The following SCUBE1 variants were observed in gnomAD, a reference collection of about 807,000 sequenced individuals.
SCUBE1 encodes signal peptide, CUB and EGF-like domain-containing protein 1.
A neutral mutation model predicts 124.4 loss-of-function variants in SCUBE1; 59 were observed. The observed-to-expected ratio is 0.47, with a 90% CI of 0.38 to 0.59. SCUBE1 has a LOEUF of 0.59. SCUBE1 is among the 20% of genes least tolerant of loss of function. The probability of loss-of-function intolerance (pLI) is 0.00; values close to 1 mark genes in which losing one functional copy is unlikely to be tolerated. For synonymous variants in SCUBE1, 545 were observed against 550.9 expected (o/e 0.99, Z 0.15); for missense variants, 1,150 against 1,371.2 (o/e 0.84, Z 2.55).
chr22:43,222,546 C>G (rs1230203389), intron 12 of SCUBE1, 92 bp downstream of exon 12: 1 of 1,002,946 alleles, frequency 1.0e-6, no homozygotes, highest in African/African-American at 1.6e-5. Flanking sequence ...AAGGTCTTCC[C>G]TGGGCGGTGC....
At chr22:43,286,173 T>C (rs966535694) in intron 4 of SCUBE1, among the ~76,000 whole-genome samples, 1 of 152,272 alleles carries the variant, frequency 6.6e-6, no homozygotes, top group Non-Finnish European at 1.5e-5. Flanking sequence ...TTATTGAAAC[T>C]GTCTTTTCAA....
chr22:43,207,742 C>T (rs1027608586), intron 20 of SCUBE1, 129 bp from the exon 21 acceptor site: 3 of 756,902 alleles, frequency 4.0e-6, no homozygotes, highest in Non-Finnish European at 6.9e-6. Context: ...CTGGCCGCAG[C>T]TCTGCCTCTG....
chr22:43,317,900 T>G (rs994145932), intron 3 of SCUBE1, among the ~76,000 whole-genome samples: 2 of 151,798 alleles, frequency 1.3e-5, no homozygotes, highest in Admixed American at 1.3e-4. Flanking sequence ...AAAAGGAAAA[T>G]TTGGACACAG....
intron 3 of SCUBE1, among the ~76,000 whole-genome samples, chr22:43,292,920 A>G (rs1925420312): frequency 6.6e-6 from 1 of 152,254 alleles, no homozygotes; most frequent in African/African-American, 2.4e-5. Context: ...CTAAAATGGT[A>G]GAAGTGGCCC....
At chr22:43,298,145 T>C (rs1174387158) in intron 3 of SCUBE1, among the ~76,000 whole-genome samples, 1 of 152,240 alleles carries the variant, frequency 6.6e-6, no homozygotes, top group Non-Finnish European at 1.5e-5. Context: ...TAAGTGTAAA[T>C]AAATGAGAAC....
intron 12 of SCUBE1, 148 bp downstream of exon 12, chr22:43,222,490 C>T: frequency 1.6e-6 from 1 of 633,560 alleles, no homozygotes; most frequent in African/African-American, 1.8e-5. Flanking sequence ...CTGGGCCTGG[C>T]TCATCGCCAG....
intron 2 of SCUBE1, among the ~76,000 whole-genome samples, chr22:43,329,015 C>A (rs1439927108): frequency 6.7e-6 from 1 of 149,764 alleles, no homozygotes; most frequent in Non-Finnish European, 1.5e-5. Context: ...ACACAATTGT[C>A]TAGAGAAGAC....
At chr22:43,215,935 CG>C (rs1400252788) in intron 15 of SCUBE1, among the ~76,000 whole-genome samples, 1 of 151,854 alleles carries the variant, frequency 6.6e-6, no homozygotes, top group Non-Finnish European at 1.5e-5. Context: ...GTGTGGGAGA[CG>C]GGGCAGATGT....
At chr22:43,251,629 G>C (rs1243116605) in intron 6 of SCUBE1, among the ~76,000 whole-genome samples, 1 of 152,174 alleles carries the variant, frequency 6.6e-6, no homozygotes, top group Non-Finnish European at 1.5e-5. Flanking sequence ...GCGGGACAAG[G>C]AACGTGGGCA....
rs978278926 is a variant in SCUBE1 at position 43,202,832 on chromosome 22, C to T, written c.*1165G>A. The stretch of plus-strand genomic sequence containing the variant: ...GCCTGGCCTCTGACAGCAAGCTCTG[C>T]TCTCTCCCCTTTCCTCACTGGCCGC... On this transcript the variant is annotated 3_prime_UTR_variant, in exon 22 of 22. Coordinates refer to ENST00000360835, the MANE Select transcript of SCUBE1 (RefSeq NM_173050.5). 4 of 152,306 alleles carry T rather than the reference C, an allele frequency of 2.6e-5. No individual in the cohort carries two copies. The highest frequency in any genetic ancestry group is 4.4e-5 in the Non-Finnish European group (3 of 68,126). 9.4% of individuals were successfully genotyped at this position (152,306 alleles called of 1,614,324 possible). A position where few individuals can be genotyped will look rare whatever the true frequency, so the allele number is the denominator to read the frequency against.
intron 7 of SCUBE1, 184 bp from the exon 8 acceptor site, chr22:43,232,059 G>A: frequency 1.6e-6 from 1 of 635,468 alleles, no homozygotes; most frequent in Non-Finnish European, 2.8e-6. Flanking sequence ...GCAGGGGTCA[G>A]GGTCGGGGCT....
chr22:43,315,113 T>G (rs1926300342), intron 3 of SCUBE1, among the ~76,000 whole-genome samples: 1 of 152,128 alleles, frequency 6.6e-6, no homozygotes, highest in Non-Finnish European at 1.5e-5. Flanking sequence ...CAAACATGTC[T>G]GTGGGCCAGA....
Position 43,208,089 on chromosome 22 carries a change from G to C in SCUBE1, c.2717C>G (p.Pro906Arg). Residue 906 changes from proline (P) to arginine (R), a missense_variant, in exon 20 of 22, where the codon CCC (proline) becomes CGC (arginine). This residue lies in a region of SCUBE1 where 757 missense variants were observed against 840.9 expected (regional missense o/e 0.90). Coordinates refer to ENST00000360835, the MANE Select transcript of SCUBE1 (RefSeq NM_173050.5). ...GATCTTACCATCGTAGGTGACATAG[G>C]GCACTTGGAAGCCTTTGCCGCTGTT... ...EGNSGKGFQV[P>R]YVTYDEDYQQ... 1 of 1,614,122 alleles carries C rather than the reference G, an allele frequency of 6.2e-7. No individual in the cohort carries two copies. The highest frequency in any genetic ancestry group is 8.5e-7 in the Non-Finnish European group (1 of 1,180,020).
chr22:43,269,467 C>T (rs1384672761), intron 4 of SCUBE1, among the ~76,000 whole-genome samples: 1 of 152,156 alleles, frequency 6.6e-6, no homozygotes, highest in African/African-American at 2.4e-5. Flanking sequence ...CTTGCCGCCA[C>T]GGTCGGATAA....
chr22:43,290,903 G>A, intron 4 of SCUBE1, 143 bp downstream of exon 4: 1 of 852,516 alleles, frequency 1.2e-6, no homozygotes, highest in Non-Finnish European at 1.7e-6. Flanking sequence ...ACCAATACCA[G>A]ACGTGCAAAA....
chr22:43,267,707 C>T (rs945932956), intron 4 of SCUBE1, among the ~76,000 whole-genome samples: 9 of 152,178 alleles, frequency 5.9e-5, no homozygotes, highest in African/African-American at 1.9e-4. Flanking sequence ...AAGGCACTGG[C>T]CCCACCCACT....
chr22:43,208,799 G>T (rs551487861), intron 19 of SCUBE1, among the ~76,000 whole-genome samples: 3 of 152,232 alleles, frequency 2.0e-5, no homozygotes, highest in Non-Finnish European at 4.4e-5. Flanking sequence ...ACCGGCAGGT[G>T]AATCTTCCCA....
intron 3 of SCUBE1, among the ~76,000 whole-genome samples, chr22:43,312,817 A>T (rs1926217669): frequency 6.6e-6 from 1 of 151,894 alleles, no homozygotes; most frequent in Non-Finnish European, 1.5e-5. Flanking sequence ...TGACTCCCAA[A>T]CTCACGGATA....
chr22:43,277,437 G>A (rs991642477), intron 4 of SCUBE1, among the ~76,000 whole-genome samples: 14 of 152,296 alleles, frequency 9.2e-5, no homozygotes, highest in Non-Finnish European at 1.9e-4. Flanking sequence ...AGACGGCAGC[G>A]CAGCCCTAGG....
Sources: gnomAD v4.1 joint callset for allele counts (sites outside exome capture counted in the v4.1 genomes callset) on GRCh38, gnomAD v4.1.1 for gene constraint, gnomAD v4.1.1 regional missense constraint, MANE v1.5 for transcripts, NCBI Gene and HGNC (gene_info 2026-07-23, HGNC 2026-07-21) for gene names.